The following SNX13 variants were observed in gnomAD, a reference collection of about 807,000 sequenced individuals.
SNX13 encodes the protein sorting nexin-13.
SNX13 carries 45 observed loss-of-function variants against 133.6 expected under a neutral mutation model. The ratio of observed to expected loss-of-function variants is 0.34; its 90% CI spans 0.27 to 0.43. The LOEUF is 0.43. SNX13 is among the 20% of genes least tolerant of loss of function. The pLI, the probability that SNX13 is intolerant of heterozygous loss-of-function variation, is 1.00. For missense variants in SNX13, 1,032 were observed against 1,145.1 expected (o/e 0.90, Z 1.43); for synonymous variants, 414 against 373.9 (o/e 1.11, Z -1.24).
At chr7:17,929,858 G>C (rs571344650) in intron 1 of SNX13, among the ~76,000 whole-genome samples, 19 of 152,198 alleles carry the variant, frequency 1.2e-4, no homozygotes, top group African/African-American at 4.6e-4. Flanking sequence ...CTCACTCTTA[G>C]TATTCACTTT....
chr7:17,852,349 G>A (rs1375319606), intron 9 of SNX13, among the ~76,000 whole-genome samples: 1 of 152,072 alleles, frequency 6.6e-6, no homozygotes, highest in African/African-American at 2.4e-5. Flanking sequence ...CTCCAGGTTG[G>A]GCGCCAGAGT....
chr7:17,820,390 T>C (rs945130360), intron 18 of SNX13, among the ~76,000 whole-genome samples: 1 of 152,126 alleles, frequency 6.6e-6, no homozygotes, highest in Admixed American at 6.5e-5. Flanking sequence ...GTAAAGCAAT[T>C]ATTTCTTCAA....
chr7:17,866,826 A>C (rs555021565), intron 9 of SNX13, among the ~76,000 whole-genome samples: 114 of 152,344 alleles, frequency 7.5e-4, no homozygotes, highest in Admixed American at 3.6e-3. Flanking sequence ...ACAATAATTT[A>C]TTGTATATTT....
chr7:17,914,897 G>C (rs1483663221), intron 1 of SNX13, among the ~76,000 whole-genome samples: 2 of 152,036 alleles, frequency 1.3e-5, no homozygotes, highest in Non-Finnish European at 2.9e-5. Flanking sequence ...AATGTAAATG[G>C]AATAAACACT....
chr7:17,798,644 T>TAA, intron 24 of SNX13, 46 bp downstream of exon 24: 1 of 1,389,262 alleles, frequency 7.2e-7, no homozygotes, highest in East Asian at 2.5e-5. Flanking sequence ...ATAACAATGC[T>TAA]AAACTCTGTA....
chr7:17,826,469 T>C (rs570900149), intron 16 of SNX13, among the ~76,000 whole-genome samples: 5 of 152,180 alleles, frequency 3.3e-5, no homozygotes, highest in African/African-American at 1.2e-4. Context: ...GAACCAGCTC[T>C]GTAGTTTTTA....
At chr7:17,897,477 G>T in intron 1 of SNX13, 31 bp from the exon 2 acceptor site, 1 of 1,243,226 alleles carries the variant, frequency 8.0e-7, no homozygotes, top group Non-Finnish European at 1.1e-6. Context: ...AAGTAAATTA[G>T]TAAATAATTC....
At chr7:17,883,263 A>G (rs776243319) in intron 5 of SNX13, among the ~76,000 whole-genome samples, 1 of 152,204 alleles carries the variant, frequency 6.6e-6, no homozygotes, top group Non-Finnish European at 1.5e-5. Flanking sequence ...GTACACACAT[A>G]AAGTATAGTC....
At chr7:17,891,386 G>C (rs1796609810) in intron 4 of SNX13, among the ~76,000 whole-genome samples, 160 bp downstream of exon 4, 1 of 152,008 alleles carries the variant, frequency 6.6e-6, no homozygotes, top group African/African-American at 2.4e-5. Context: ...TTAGAAGTGA[G>C]TTAATAAATA....
At chr7:17,858,673 G>A (rs1045284060) in intron 9 of SNX13, among the ~76,000 whole-genome samples, 1 of 151,982 alleles carries the variant, frequency 6.6e-6, no homozygotes, top group African/African-American at 2.4e-5. Context: ...CAATCCTAGA[G>A]AAAAAGAACA....
At chr7:17,824,532 ATTAT>A (rs2128304816) in intron 17 of SNX13, among the ~76,000 whole-genome samples, 1 of 152,150 alleles carries the variant, frequency 6.6e-6, no homozygotes, top group East Asian at 1.9e-4. Context: ...TATTATTATT[ATTAT>A]TATTACTAGC....
intron 1 of SNX13, chr7:17,900,032 C>T (rs1039970557): frequency 6.6e-6 from 1 of 152,176 alleles, no homozygotes; most frequent in Non-Finnish European, 1.5e-5. Context: ...ATTAGAGGCA[C>T]CCTAAGCCTA....
chr7:17,813,218 C>T (rs1786261175), intron 20 of SNX13, among the ~76,000 whole-genome samples: 1 of 152,074 alleles, frequency 6.6e-6, no homozygotes, highest in Non-Finnish European at 1.5e-5. Context: ...CTTTTATCTC[C>T]AAAAGCTGAT....
intron 5 of SNX13, chr7:17,882,808 C>A (rs1795517699): frequency 1.6e-6 from 2 of 1,243,540 alleles, no homozygotes; most frequent in Non-Finnish European, 1.0e-6. Flanking sequence ...ATTTCAGAGC[C>A]AGAATTTAAA....
At chr7:17,924,970 G>A (rs909124104) in intron 1 of SNX13, among the ~76,000 whole-genome samples, 2 of 152,148 alleles carry the variant, frequency 1.3e-5, no homozygotes, top group South Asian at 4.1e-4. Flanking sequence ...CACTTTAGGA[G>A]GCCAAGGCGG....
At chr7:17,823,913 G>C (rs1322241675) in intron 17 of SNX13, among the ~76,000 whole-genome samples, 1 of 152,004 alleles carries the variant, frequency 6.6e-6, no homozygotes, top group Non-Finnish European at 1.5e-5. Flanking sequence ...AAGGAGAAGA[G>C]ATATAAGAAA....
intron 13 of SNX13, among the ~76,000 whole-genome samples, chr7:17,837,062 G>A (rs1003241253): frequency 1.3e-4 from 20 of 151,796 alleles, no homozygotes; most frequent in African/African-American, 4.8e-4. Flanking sequence ...TTTTAGCTCT[G>A]CTCTTTTCAA....
chr7:17,868,805 T>C, intron 8 of SNX13, among the ~76,000 whole-genome samples: 1 of 152,208 alleles, frequency 6.6e-6, no homozygotes, highest in African/African-American at 2.4e-5. Context: ...TAACAGTGTT[T>C]ATGGATTCAT....
intron 1 of SNX13, among the ~76,000 whole-genome samples, chr7:17,928,997 T>TACAA (rs1554279281): frequency 1.3e-5 from 2 of 151,502 alleles, no homozygotes; most frequent in African/African-American, 4.9e-5. Context: ...TTTTCAAACC[T>TACAA]ATAAAGTATA....
Sources: gnomAD v4.1 joint callset for allele counts (sites outside exome capture counted in the v4.1 genomes callset) on GRCh38, gnomAD v4.1.1 for gene constraint, MANE v1.5 for transcripts, NCBI Gene and HGNC (gene_info 2026-07-23, HGNC 2026-07-21) for gene names.